The following ZNF423 variants were observed in gnomAD, a reference collection of about 807,000 sequenced individuals.
ZNF423 encodes zinc finger protein 423, also known as Ebf-associated zinc finger protein.
Under a neutral mutation model 95.8 loss-of-function variants are expected in ZNF423, and 12 were observed. That is an observed-to-expected ratio of 0.13 (90% confidence interval 0.08 to 0.20). The LOEUF is 0.20. Among genes scored for constraint, ZNF423 ranks in the 10% least tolerant of loss-of-function variants. The pLI is 1.00. For missense variants in ZNF423, 1,316 were observed against 1,737.1 expected, an observed-to-expected ratio of 0.76 and a Z score of 4.31; for synonymous variants, 749 against 711.9, an observed-to-expected ratio of 1.05 and a Z score of -0.83.
At chr16:49,500,723 TG>T (rs1230523705) in intron 7 of ZNF423, among the ~76,000 whole-genome samples, 1 of 150,958 alleles carries the variant, frequency 6.6e-6, no homozygotes, top group Non-Finnish European at 1.5e-5. Context: ...GAGATCAGCC[TG>T]GGTGAAACCC....
In ZNF423 at chr16:49,672,143, G is replaced by C. The variant is rs149359884; in HGVS notation, c.302-33269C>G. ...AGCAGTCAGGCACACTGATACTTCT[G>C]CAGCAAAACATATCGGTATTCACTA... On this transcript the variant is annotated intron_variant, in intron 3 of 7. Transcript: ENST00000563137. Among the ~76,000 whole-genome samples, 53 of 152,276 alleles carry C rather than the reference G, an allele frequency of 3.5e-4. 1 individual carries two copies. In the East Asian group the frequency reaches 0.01, roughly 29 times the overall value.
chr16:49,568,649 G>A (rs1315511714), intron 5 of ZNF423, among the ~76,000 whole-genome samples: 1 of 152,096 alleles, frequency 6.6e-6, no homozygotes, highest in Non-Finnish European at 1.5e-5. Context: ...TCGATGGTCT[G>A]AACAAATGAA....
intron 1 of ZNF423, among the ~76,000 whole-genome samples, chr16:49,817,239 G>C (rs1023520841): frequency 2.0e-5 from 3 of 152,204 alleles, no homozygotes; most frequent in Non-Finnish European, 4.4e-5. Context: ...GCGGAGAGGG[G>C]AGAGCAGGGG....
rs8060387 is a variant in ZNF423 at position 49,822,780 on chromosome 16, G to C, written c.40+32955C>G. On this transcript the variant is annotated intron_variant, in intron 1 of 7. Coordinates refer to ENST00000563137, the MANE Select transcript of ZNF423 (RefSeq NM_001379286.1). Reference sequence around the variant, plus strand: ...AAAATTTCTTATTGCAGGCTAGTAAGCATGTGCAATCTCCTGGTGAAATAA... The same window carrying C: ...AAAATTTCTTATTGCAGGCTAGTAACCATGTGCAATCTCCTGGTGAAATAA... 0.31 allele frequency: 475,409 copies of C among 1,512,738 alleles called. 79,020 individuals are homozygous for C. Among genetic ancestry groups the C allele is most frequent in the Middle Eastern group, 0.39 (2,270 of 5,760 alleles). 93.7% of individuals were successfully genotyped at this position (1,512,738 alleles called of 1,614,324 possible).
chr16:49,512,692 A>C (rs1023809071), intron 7 of ZNF423, among the ~76,000 whole-genome samples: 2 of 152,310 alleles, frequency 1.3e-5, no homozygotes, highest in Non-Finnish European at 2.9e-5. Flanking sequence ...AAGTGCTATA[A>C]AGTGCTTTAC....
chr16:49,567,403 CAG>C (rs985360437), intron 5 of ZNF423, among the ~76,000 whole-genome samples: 4 of 152,218 alleles, frequency 2.6e-5, no homozygotes, highest in African/African-American at 7.2e-5. Flanking sequence ...AATGTGGAAA[CAG>C]GGGTGAGCTT....
chr16:49,731,095 G>A (rs1029789450), intron 2 of ZNF423, 124 bp from the exon 3 acceptor site: 1 of 1,113,774 alleles, frequency 9.0e-7, no homozygotes, highest in Non-Finnish European at 1.3e-6. Context: ...CATTATCCTT[G>A]ACACCTCTCA....
chr16:49,784,089 G>A (rs1471976370), intron 2 of ZNF423, among the ~76,000 whole-genome samples: 2 of 152,130 alleles, frequency 1.3e-5, no homozygotes, highest in Non-Finnish European at 2.9e-5. Flanking sequence ...ACAAGGACCT[G>A]GAAAAAGTGG....
chr16:49,834,431 G>A (rs548799477), intron 1 of ZNF423, among the ~76,000 whole-genome samples: 4 of 152,282 alleles, frequency 2.6e-5, no homozygotes, highest in Admixed American at 1.3e-4. Context: ...AGTTCCCCAA[G>A]TCACACAGAT....
intron 3 of ZNF423, among the ~76,000 whole-genome samples, chr16:49,666,022 C>T (rs80170709): frequency 0.012 from 1,839 of 152,260 alleles, 17 homozygotes; most frequent in Middle Eastern, 0.024. Context: ...AGCAGAACTG[C>T]GCAGGCCAAT....
intron 5 of ZNF423, among the ~76,000 whole-genome samples, chr16:49,591,930 C>G (rs1971022495): frequency 6.6e-6 from 1 of 152,172 alleles, no homozygotes; most frequent in Non-Finnish European, 1.5e-5. Flanking sequence ...AGGTGAACTT[C>G]TGGGGTGTGG....
intron 3 of ZNF423, among the ~76,000 whole-genome samples, chr16:49,670,936 T>C (rs1416106526): frequency 6.6e-6 from 1 of 152,236 alleles, no homozygotes; most frequent in Admixed American, 6.5e-5. Context: ...CGGAGGCTAC[T>C]TCCCTTAGGG....
At chr16:49,789,387 C>T (rs1308189970) in intron 2 of ZNF423, 100 bp downstream of exon 2, 24 of 1,197,304 alleles carry the variant, frequency 2.0e-5, no homozygotes, top group Middle Eastern at 2.3e-4. Flanking sequence ...GAATGTGACA[C>T]GAAGAATATC....
chr16:49,543,493 C>A (rs762886736), intron 5 of ZNF423, among the ~76,000 whole-genome samples: 1 of 152,224 alleles, frequency 6.6e-6, no homozygotes, highest in Non-Finnish European at 1.5e-5. Flanking sequence ...GAGTCCTCTG[C>A]GGGAGCGGAT....
chr16:49,835,272 A>G (rs2035105242), intron 1 of ZNF423, among the ~76,000 whole-genome samples: 1 of 152,162 alleles, frequency 6.6e-6, no homozygotes, highest in South Asian at 2.1e-4. Context: ...CCAGCTGTCC[A>G]GCCGGGAGGT....
upstream of ZNF423, among the ~76,000 whole-genome samples, chr16:49,858,349 C>A (rs1349797878): frequency 6.6e-6 from 1 of 151,706 alleles, no homozygotes; most frequent in African/African-American, 2.4e-5. This position sits in a 1 kb window ranked among gnomAD's most constrained non-coding sequence, Gnocchi z 4.3. Flanking sequence ...GGGCCCTGCT[C>A]GCCAACCCCG....
chr16:49,564,292 T>G (rs1046849698), intron 5 of ZNF423, among the ~76,000 whole-genome samples: 6 of 152,150 alleles, frequency 3.9e-5, no homozygotes, highest in Non-Finnish European at 8.8e-5. Flanking sequence ...GGAAGTATTT[T>G]GCTTATTGCA....
chr16:49,792,091 CAG>C (rs1274799246), intron 1 of ZNF423, among the ~76,000 whole-genome samples: 2 of 151,252 alleles, frequency 1.3e-5, no homozygotes, highest in Non-Finnish European at 2.9e-5. Flanking sequence ...GCTAAGGATA[CAG>C]AGTTTCTTTT....
chr16:49,789,564 G>C lies in ZNF423; in HGVS notation c.41-18C>G. 1 of 1,610,102 alleles carries C rather than the reference G, an allele frequency of 6.2e-7. No homozygotes were observed. Among genetic ancestry groups the C allele is most frequent in the African/African-American group, 1.3e-5 (1 of 74,744 alleles). ...CTCTTCAACTGAAAGAGAGAACAGA[G>C]ATGGGCCTGTGAGTTTGAAGGCTGT... On this transcript the variant is annotated intron_variant, in intron 1 of 7. Coordinates refer to ENST00000563137, the MANE Select transcript of ZNF423 (RefSeq NM_001379286.1).
Sources: gnomAD v4.1 joint callset for allele counts (sites outside exome capture counted in the v4.1 genomes callset) on GRCh38, gnomAD v4.1.1 for gene constraint, Gnocchi (gnomAD v3.1) non-coding constraint, MANE v1.5 for transcripts, NCBI Gene and HGNC (gene_info 2026-07-23, HGNC 2026-07-21) for gene names.